TMEFF2: variants seen among roughly 807,000 people sequenced by gnomAD.
The protein encoded by TMEFF2 is transmembrane protein with EGF like and two follistatin like domains 2, also known as tomoregulin-2.
A neutral mutation model predicts 53.8 loss-of-function variants in TMEFF2; 28 were observed. That is an observed-to-expected ratio of 0.52 (90% CI 0.39 to 0.71). TMEFF2 has a LOEUF of 0.71. Among genes scored for constraint, TMEFF2 ranks in the 30% least tolerant of loss-of-function variants. The pLI is 0.00. For synonymous variants in TMEFF2, 162 were observed against 166.3 expected (o/e 0.97, Z 0.20); for missense variants, 353 against 455.2 (o/e 0.78, Z 2.04).
At chr2:192,042,012 C>T (rs1445181060) in intron 5 of TMEFF2, among the ~76,000 whole-genome samples, 2 of 151,974 alleles carry the variant, frequency 1.3e-5, no homozygotes, top group African/African-American at 4.8e-5. Context: ...ACAAGCCTGA[C>T]CAACATGGTG....
intron 7 of TMEFF2, among the ~76,000 whole-genome samples, chr2:191,959,187 T>C (rs1187703678): frequency 6.6e-6 from 1 of 152,206 alleles, no homozygotes; most frequent in Admixed American, 6.5e-5. Context: ...AAAAGAGGTT[T>C]AATGTAAGGG....
At chr2:191,972,308 CTTTTTTTTT>C (rs764218539) in intron 7 of TMEFF2, among the ~76,000 whole-genome samples, 42 of 72,822 alleles carry the variant, frequency 5.8e-4, no homozygotes, top group African/African-American at 2.4e-3. Context: ...TCATGCCCAG[CTTTTTTTTT>C]TTTTTTTTTT....
chr2:191,979,101 A>G (rs899945222), intron 7 of TMEFF2, among the ~76,000 whole-genome samples: 2 of 152,230 alleles, frequency 1.3e-5, no homozygotes, highest in Non-Finnish European at 2.9e-5. Context: ...TACCGGAGAA[A>G]TGTTCCCAAA....
chr2:192,082,061 A>G (rs1688567753), intron 4 of TMEFF2, among the ~76,000 whole-genome samples: 1 of 152,030 alleles, frequency 6.6e-6, no homozygotes, highest in Admixed American at 6.5e-5. Context: ...TGGCCTCCCA[A>G]AGTGCTGAGA....
chr2:192,000,890 G>A (rs1002701771), intron 5 of TMEFF2, among the ~76,000 whole-genome samples: 3 of 152,134 alleles, frequency 2.0e-5, no homozygotes, highest in Non-Finnish European at 4.4e-5. Flanking sequence ...ATTGAGGAGC[G>A]GTGTTCCTAC....
At chr2:191,954,022 G>C (rs1011073549) in intron 8 of TMEFF2, among the ~76,000 whole-genome samples, 185 bp from the exon 9 acceptor site, 1 of 151,264 alleles carries the variant, frequency 6.6e-6, no homozygotes, top group Non-Finnish European at 1.5e-5. Context: ...CGAGTAGCTG[G>C]GACTACAGGC....
At position 191,978,322 on chromosome 2, in the gene TMEFF2, G is replaced by A. The variant is rs562194951; in HGVS notation, c.745+19940C>T. Among the ~76,000 whole-genome samples the A allele has an allele frequency of 2.6e-5, 4 of 152,128 alleles. No homozygotes were observed. In the South Asian group the frequency reaches 8.3e-4, roughly 32 times the overall value. ...ATACATACTCTCAGCTTCTTAAATAGGTGGGTGGCCTTGGAAAAATTGCTT... is the reference window on the plus strand; with the variant it reads ...ATACATACTCTCAGCTTCTTAAATAAGTGGGTGGCCTTGGAAAAATTGCTT... On this transcript the variant is annotated intron_variant, in intron 7 of 9. Transcript: ENST00000272771.
At chr2:192,107,138 C>G (rs1042143633) in intron 4 of TMEFF2, among the ~76,000 whole-genome samples, 30 of 151,722 alleles carry the variant, frequency 2.0e-4, no homozygotes, top group African/African-American at 6.8e-4. Flanking sequence ...AGTGTTTGTA[C>G]TTTATTCTCT....
At chr2:192,089,487 G>A (rs1345333114) in intron 4 of TMEFF2, among the ~76,000 whole-genome samples, 2 of 152,034 alleles carry the variant, frequency 1.3e-5, no homozygotes, top group African/African-American at 4.8e-5. Flanking sequence ...GGGTCTTAAA[G>A]TCAGCACCCA....
intron 4 of TMEFF2, among the ~76,000 whole-genome samples, chr2:192,071,437 T>G (rs954471194): frequency 2.0e-5 from 3 of 151,876 alleles, no homozygotes; most frequent in African/African-American, 4.8e-5. Context: ...TATTCTTACA[T>G]GTAGGATGAG....
At chr2:192,120,929 T>C (rs949150472) in intron 4 of TMEFF2, among the ~76,000 whole-genome samples, 4 of 151,480 alleles carry the variant, frequency 2.6e-5, no homozygotes, top group African/African-American at 9.7e-5. Flanking sequence ...AGAGACGGGG[T>C]TTCACTATGT....
intron 4 of TMEFF2, among the ~76,000 whole-genome samples, chr2:192,157,836 C>T (rs1390863519): frequency 6.6e-6 from 1 of 152,054 alleles, no homozygotes. Context: ...CACCTGCACC[C>T]TTTCTCTCCT....
intron 5 of TMEFF2, 145 bp downstream of exon 5, chr2:192,057,534 T>A (rs1247679528): frequency 1.3e-6 from 1 of 741,826 alleles, no homozygotes. Context: ...CAGAAATTCC[T>A]TGCCCTCATT....
At chr2:192,022,288 CCT>C (rs1270530287) in intron 5 of TMEFF2, among the ~76,000 whole-genome samples, 5 of 152,180 alleles carry the variant, frequency 3.3e-5, no homozygotes, top group African/African-American at 1.2e-4. Flanking sequence ...TACAGGTCAT[CCT>C]CATCATTGAA....
intron 5 of TMEFF2, among the ~76,000 whole-genome samples, chr2:192,025,938 G>C (rs551657605): frequency 6.6e-6 from 1 of 152,286 alleles, no homozygotes; most frequent in Admixed American, 6.5e-5. Flanking sequence ...CTAAACTGCG[G>C]AGTTGACTTG....
At chr2:191,951,346 AATGTCCATACT>A (rs1255991184) in intron 9 of TMEFF2, among the ~76,000 whole-genome samples, 1 of 136,812 alleles carries the variant, frequency 7.3e-6, no homozygotes. Flanking sequence ...CATGTCTCCA[AATGTCCATACT>A]TTTTGTGACA....
At chr2:192,144,895 A>G (rs546663382) in intron 4 of TMEFF2, among the ~76,000 whole-genome samples, 1 of 152,120 alleles carries the variant, frequency 6.6e-6, no homozygotes, top group Admixed American at 6.6e-5. Flanking sequence ...AGGCCAAATC[A>G]TAACTAATTT....
intron 1 of TMEFF2, 130 bp from the exon 2 acceptor site, chr2:192,192,119 G>A: frequency 1.6e-6 from 1 of 610,662 alleles, no homozygotes; most frequent in South Asian, 2.1e-5. Context: ...GTACTGCAAG[G>A]TCACTGTCTA....
At chr2:192,175,498 C>A (rs550515428) in intron 4 of TMEFF2, among the ~76,000 whole-genome samples, 1 of 151,572 alleles carries the variant, frequency 6.6e-6, no homozygotes, top group Admixed American at 6.6e-5. Context: ...ATCATAACAA[C>A]AATTATCTGG....
Sources: gnomAD v4.1 joint callset for allele counts (sites outside exome capture counted in the v4.1 genomes callset) on GRCh38, gnomAD v4.1.1 for gene constraint, MANE v1.5 for transcripts, NCBI Gene and HGNC (gene_info 2026-07-23, HGNC 2026-07-21) for gene names.